The following SMIM14 variants were observed in gnomAD, a reference collection of about 807,000 sequenced individuals.
The protein encoded by SMIM14 is chromosome 4 open reading frame 34.
SMIM14 carries 5 observed loss-of-function variants against 12.6 expected under a neutral mutation model. The observed-to-expected ratio is 0.40, with a 90% CI of 0.21 to 0.83. SMIM14 has a LOEUF of 0.83. Among genes scored for constraint, SMIM14 ranks in the 40% least tolerant of loss-of-function variants. The probability of loss-of-function intolerance (pLI) is 0.37; values close to 1 mark genes in which losing one functional copy is unlikely to be tolerated. For missense variants in SMIM14, 86 were observed against 119.1 expected, an observed-to-expected ratio of 0.72 and a Z score of 1.29; for synonymous variants, 30 against 40.1, an observed-to-expected ratio of 0.75 and a Z score of 0.95.
intron 1 of SMIM14, among the ~76,000 whole-genome samples, chr4:39,637,191 G>A (rs1716127329): frequency 1.3e-5 from 2 of 152,150 alleles, no homozygotes; most frequent in Admixed American, 1.3e-4. Context: ...TGATCTTTGG[G>A]TGGCAGGATT....
At position 39,600,605 on chromosome 4, in the gene SMIM14, G is replaced by A. The variant is rs918500344; in HGVS notation, c.75+4466C>T. Among the ~76,000 whole-genome samples, 3 of 152,098 alleles carry A rather than the reference G, an allele frequency of 2.0e-5. No homozygotes were observed. In the East Asian group the frequency reaches 5.8e-4, roughly 29 times the overall value. On this transcript the variant is annotated intron_variant, in intron 2 of 4. Transcript: ENST00000295958. ...CTCAGGAGGCTGAGGCAGGAGAATC[G>A]CTTGAATGCAGGAGGTGGAGGTTGC...
intron 1 of SMIM14, among the ~76,000 whole-genome samples, chr4:39,618,027 G>A (rs944709985): frequency 6.6e-6 from 1 of 152,012 alleles, no homozygotes; most frequent in African/African-American, 2.4e-5. Context: ...GATGACAAAC[G>A]GAAAAAATGG....
At chr4:39,615,134 T>C (rs1029423662) in intron 1 of SMIM14, among the ~76,000 whole-genome samples, 1 of 152,144 alleles carries the variant, frequency 6.6e-6, no homozygotes, top group Admixed American at 6.5e-5. Flanking sequence ...AGGGTCTTGC[T>C]GTGTTGCCCA....
At chr4:39,604,506 C>T (rs921559646) in intron 2 of SMIM14, among the ~76,000 whole-genome samples, 1 of 152,024 alleles carries the variant, frequency 6.6e-6, no homozygotes, top group Admixed American at 6.6e-5. Context: ...CACTACACTC[C>T]AGCCTGTGCA....
At chr4:39,601,400 A>G (rs1460760145) in intron 2 of SMIM14, among the ~76,000 whole-genome samples, 1 of 152,224 alleles carries the variant, frequency 6.6e-6, no homozygotes, top group Non-Finnish European at 1.5e-5. Flanking sequence ...ACTCTATTAC[A>G]AAGATGAATT....
intron 1 of SMIM14, among the ~76,000 whole-genome samples, chr4:39,632,476 C>G (rs1715938301): frequency 1.3e-5 from 1 of 76,148 alleles, no homozygotes; most frequent in Non-Finnish European, 2.3e-5. Flanking sequence ...GAGACTCCGT[C>G]TCAAAAAAAA....
At chr4:39,624,405 G>A (rs1440081466) in intron 1 of SMIM14, among the ~76,000 whole-genome samples, 1 of 152,128 alleles carries the variant, frequency 6.6e-6, no homozygotes, top group Non-Finnish European at 1.5e-5. Context: ...AAGTCACATT[G>A]TAAAATCCTG....
intron 2 of SMIM14, among the ~76,000 whole-genome samples, chr4:39,576,048 C>A (rs564270445): frequency 1.1e-4 from 16 of 151,908 alleles, no homozygotes; most frequent in Non-Finnish European, 2.1e-4. Flanking sequence ...CATGCCCCAC[C>A]ATGCCTGGCT....
chr4:39,619,876 A>ATATATATATT (rs71192884), intron 1 of SMIM14, among the ~76,000 whole-genome samples: 1 of 115,852 alleles, frequency 8.6e-6, no homozygotes, highest in African/African-American at 3.4e-5. Flanking sequence ...ATATATATAT[A>ATATATATATT]TTTTTTTTTT....
At chr4:39,604,010 C>CAA (rs755443266) in intron 2 of SMIM14, among the ~76,000 whole-genome samples, 9,030 of 81,980 alleles carry the variant, frequency 0.11, 324 homozygotes, top group Middle Eastern at 0.17. Context: ...GACACTGTCT[C>CAA]AAAAAAAAAA....
intron 2 of SMIM14, among the ~76,000 whole-genome samples, chr4:39,583,417 A>G (rs1713617028): frequency 6.6e-6 from 1 of 152,050 alleles, no homozygotes. Flanking sequence ...AACTGGTTTT[A>G]AGTATTCCGA....
intron 1 of SMIM14, among the ~76,000 whole-genome samples, chr4:39,628,702 A>C (rs1337739716): frequency 3.4e-5 from 5 of 147,802 alleles, no homozygotes; most frequent in Admixed American, 6.7e-5. Context: ...ACAAACAAAA[A>C]CTCAGGAAAA....
intron 2 of SMIM14, chr4:39,593,303 C>T (rs927249805): frequency 3.9e-5 from 6 of 152,054 alleles, no homozygotes; most frequent in African/African-American, 1.4e-4. Context: ...AGACAAAAAC[C>T]ACATGATTAT....
At chr4:39,597,086 T>TC (rs1714400919) in intron 2 of SMIM14, among the ~76,000 whole-genome samples, 1 of 70,668 alleles carries the variant, frequency 1.4e-5, no homozygotes, top group Non-Finnish European at 3.6e-5. Flanking sequence ...CAGGTTTCCC[T>TC]TTTTTTTTTT....
chr4:39,582,581 T>C (rs1172185649), intron 2 of SMIM14, among the ~76,000 whole-genome samples: 1 of 151,564 alleles, frequency 6.6e-6, no homozygotes, highest in Admixed American at 6.6e-5. Context: ...GGAGAATCGC[T>C]TGAACCCAGG....
chr4:39,569,572 T>C lies in SMIM14; in HGVS notation c.124+2843A>G, dbSNP rs80169238. Reference sequence around the variant, plus strand: ...CACTCCAAAATATGCCTTTTTGACATAGAAATTATTTTGGAGAAGCCAGGC... The same window carrying C: ...CACTCCAAAATATGCCTTTTTGACACAGAAATTATTTTGGAGAAGCCAGGC... On this transcript the variant is annotated intron_variant, in intron 3 of 4. Transcript: ENST00000295958. 6.4e-4 allele frequency among the ~76,000 whole-genome samples: 97 copies of C among 152,060 alleles called. No homozygotes were observed. In the East Asian group the frequency reaches 0.013, roughly 20 times the overall value.
chr4:39,566,179 T>G (rs1040037285), intron 3 of SMIM14, among the ~76,000 whole-genome samples: 43 of 149,372 alleles, frequency 2.9e-4, no homozygotes, highest in African/African-American at 1.0e-3. Flanking sequence ...AGTGGTAGAA[T>G]TTTGGATGTA....
chr4:39,611,864 T>A (rs1384579086), intron 1 of SMIM14: 1 of 152,204 alleles, frequency 6.6e-6, no homozygotes. Context: ...TAAGGTAGAT[T>A]TCTACATGGT....
intron 3 of SMIM14, among the ~76,000 whole-genome samples, chr4:39,564,879 A>G (rs28408009): frequency 0.34 from 52,046 of 151,918 alleles, 11,120 homozygotes; most frequent in African/African-American, 0.57. Flanking sequence ...GGCTGAAGTG[A>G]AGTGACCTGG....
Sources: gnomAD v4.1 joint callset for allele counts (sites outside exome capture counted in the v4.1 genomes callset) on GRCh38, gnomAD v4.1.1 for gene constraint, MANE v1.5 for transcripts, NCBI Gene and HGNC (gene_info 2026-07-23, HGNC 2026-07-21) for gene names.